The following PARD6B variants were observed in gnomAD, a reference collection of about 807,000 sequenced individuals.
PARD6B encodes the protein par-6 family cell polarity regulator beta, also known as partitioning defective 6 homolog beta.
A neutral mutation model predicts 10.5 loss-of-function variants in PARD6B; 4 were observed. The observed-to-expected ratio is 0.38, with a 90% CI of 0.19 to 0.87. The LOEUF is 0.87. Among genes scored for constraint, PARD6B ranks in the 40% least tolerant of loss-of-function variants. PARD6B has a pLI of 0.41. For synonymous variants in PARD6B, 169 were observed against 170.4 expected (o/e 0.99, Z 0.07); for missense variants, 396 against 470.6 (o/e 0.84, Z 1.47).
At chr20:50,739,406 A>C (rs953930084) in intron 2 of PARD6B, among the ~76,000 whole-genome samples, 12 of 152,230 alleles carry the variant, frequency 7.9e-5, no homozygotes, top group Admixed American at 6.5e-4. Context: ...GTACCACTGC[A>C]CTCCAGCCTG....
At position 50,731,803 on chromosome 20, in the gene PARD6B, G is replaced by A; in HGVS notation, c.17G>A (p.Arg6Gln). 3 of 1,463,200 alleles carry A rather than the reference G, an allele frequency of 2.1e-6. No homozygotes were observed. The highest frequency in any genetic ancestry group is 2.7e-6 in the Non-Finnish European group (3 of 1,113,240). The allele number at this position is 1,463,200 out of a possible 1,614,324, so 90.6% of individuals were successfully genotyped here. MNRSH[R>Q]HGAGSGCLGT... ...GCGTTCAGCATGAACCGCAGCCACC[G>A]GCACGGGGCGGGCAGCGGCTGCCTG... Residue 6 changes from arginine to glutamine, a missense_variant, in exon 1 of 3, where the codon CGG (arginine) becomes CAG (glutamine). Physicochemically the swap from Arg to Gln is conservative, Grantham distance 43. Transcript: ENST00000371610.
rs768288776 is a variant in PARD6B at position 50,749,638 on chromosome 20, T to C, written c.290-21T>C. 3 of 1,527,446 alleles carry C rather than the reference T, an allele frequency of 2.0e-6. No individual in the cohort carries two copies. In the Admixed American group the frequency reaches 6.6e-5, roughly 34 times the overall value. The allele number at this position is 1,527,446 out of a possible 1,614,324, so 94.6% of individuals were successfully genotyped here. On this transcript the variant is annotated intron_variant, in intron 2 of 2. Coordinates refer to ENST00000371610, the MANE Select transcript of PARD6B (RefSeq NM_032521.3). ...TATTTTTACAGCATTTCTATAATTA[T>C]TTTGTTTTATTTTTAAACAGAAGAA...
chr20:50,737,795 T>G, intron 1 of PARD6B, 62 bp from the exon 2 acceptor site: 1 of 1,194,776 alleles, frequency 8.4e-7, no homozygotes. Context: ...GGCATGCATT[T>G]TCAAATTGGG....
At position 50,752,940 on chromosome 20, in the gene PARD6B, T is replaced by C; in HGVS notation, c.*2452T>C. On this transcript the variant is annotated 3_prime_UTR_variant, in exon 3 of 3. Transcript: ENST00000371610. ...TTTTAATGGCATTCCGGCTTTAACA[T>C]TCTGTGAGTCTTACAAATTTGACTC... The C allele has an allele frequency of 1.0e-6, 1 of 983,716 alleles. No individual in the cohort carries two copies. Among genetic ancestry groups the C allele is most frequent in the African/African-American group, 1.7e-5 (1 of 57,284 alleles). 60.9% of individuals were successfully genotyped at this position (983,716 alleles called of 1,614,324 possible). A position where few individuals can be genotyped will look rare whatever the true frequency, so the allele number is the denominator to read the frequency against.
intron 2 of PARD6B, among the ~76,000 whole-genome samples, chr20:50,743,854 A>G (rs1175324462): frequency 6.7e-6 from 1 of 148,772 alleles, no homozygotes; most frequent in Non-Finnish European, 1.5e-5. Context: ...GCGCCACTGC[A>G]CTCCAGCCTG....
chr20:50,752,489 C>CTAAGA lies in PARD6B; in HGVS notation c.*2002_*2006dup. 1.0e-6 allele frequency: 1 copy of CTAAGA among 985,550 alleles called. No homozygotes were observed. Among genetic ancestry groups the CTAAGA allele is most frequent in the Non-Finnish European group, 1.2e-6 (1 of 829,868 alleles). 61.1% of individuals were successfully genotyped at this position (985,550 alleles called of 1,614,324 possible). A position where few individuals can be genotyped will look rare whatever the true frequency, so the allele number is the denominator to read the frequency against. ...TTCCAATGCATCCACTTAGAACAAG[C>CTAAGA]TAAGAGTAAGGCTGCTAACTTTAAT... is the stretch of plus-strand genomic sequence containing the variant. On this transcript the variant is annotated 3_prime_UTR_variant, in exon 3 of 3. Transcript: ENST00000371610.
At chr20:50,739,199 C>A (rs2087516101) in intron 2 of PARD6B, among the ~76,000 whole-genome samples, 1 of 151,968 alleles carries the variant, frequency 6.6e-6, no homozygotes, top group Non-Finnish European at 1.5e-5. Context: ...GTAATCCCAG[C>A]ACTTTGGGAG....
chr20:50,742,968 C>G (rs990488408), intron 2 of PARD6B, among the ~76,000 whole-genome samples: 3 of 152,122 alleles, frequency 2.0e-5, no homozygotes, highest in African/African-American at 7.2e-5. Flanking sequence ...GATCCCAATC[C>G]CCCATTCCCT....
intron 2 of PARD6B, among the ~76,000 whole-genome samples, chr20:50,742,039 C>T (rs1399092013): frequency 1.3e-5 from 2 of 152,034 alleles, no homozygotes; most frequent in Non-Finnish European, 2.9e-5. Context: ...GCAGAAGTTA[C>T]ACTTAATATG....
In PARD6B at chr20:50,753,192, A is replaced by T; in HGVS notation, c.*2704A>T. On this transcript the variant is annotated 3_prime_UTR_variant, in exon 3 of 3. Coordinates refer to ENST00000371610, the MANE Select transcript of PARD6B (RefSeq NM_032521.3). Reference sequence around the variant, plus strand: ...GATTTATCTTGTACGCATTCATGGAAATGGAAATCAAAGCTGCTATTGCTT... The same window carrying T: ...GATTTATCTTGTACGCATTCATGGATATGGAAATCAAAGCTGCTATTGCTT... 12 of 985,388 alleles carry T rather than the reference A, an allele frequency of 1.2e-5. No individual in the cohort carries two copies. The highest frequency in any genetic ancestry group is 1.4e-5 in the Non-Finnish European group (12 of 829,532). 61.0% of individuals were successfully genotyped at this position (985,388 alleles called of 1,614,324 possible).
In PARD6B at chr20:50,749,823, C is replaced by G; in HGVS notation, c.454C>G (p.Pro152Ala). ...VSSIIDVDIL[P>A]ETHRRVRLYK... is the part of the protein sequence containing the mutation. The stretch of plus-strand genomic sequence containing the variant: ...TTCTATTATAGACGTGGATATTCTC[C>G]CAGAAACGCATCGTAGGGTACGTCT... The change falls in exon 3 of 3, where the codon CCA becomes GCA. Residue 152 changes from proline to alanine, a missense_variant. Coordinates refer to ENST00000371610, the MANE Select transcript of PARD6B (RefSeq NM_032521.3). 6.2e-7 allele frequency: 1 copy of G among 1,614,096 alleles called. No homozygotes were observed. Among genetic ancestry groups the G allele is most frequent in the Non-Finnish European group, 8.5e-7 (1 of 1,180,030 alleles).
At chr20:50,733,828 A>G (rs186130035) in intron 1 of PARD6B, among the ~76,000 whole-genome samples, 7 of 152,366 alleles carry the variant, frequency 4.6e-5, no homozygotes, top group Admixed American at 4.6e-4. Context: ...TTCCACAGAA[A>G]AAAATGAGTA....
intron 1 of PARD6B, 37 bp downstream of exon 1, chr20:50,731,889 G>C: frequency 7.2e-7 from 1 of 1,380,562 alleles, no homozygotes; most frequent in East Asian, 3.1e-5. Context: ...CGGCGGGCCT[G>C]GGGGGCCGGG....
chr20:50,741,987 C>T (rs1196785506), intron 2 of PARD6B, among the ~76,000 whole-genome samples: 3 of 152,180 alleles, frequency 2.0e-5, no homozygotes, highest in African/African-American at 7.2e-5. Context: ...GATTACAGCA[C>T]ATTTTCTGTT....
chr20:50,731,902 C>T, intron 1 of PARD6B, 50 bp downstream of exon 1: 1 of 1,345,594 alleles, frequency 7.4e-7, no homozygotes, highest in Non-Finnish European at 9.5e-7. Context: ...GGGCCGGGGC[C>T]TGGGAGAGGC....
rs2087610355 is a variant in PARD6B, at chr20:50,751,552, T to C, written c.*1064T>C. Reference sequence around the variant, plus strand: ...TAGTAGAGACGGGGTTTCGCAGTGTTAGCCAGGAAGGTCTCAATCTCCTGA... The same window carrying C: ...TAGTAGAGACGGGGTTTCGCAGTGTCAGCCAGGAAGGTCTCAATCTCCTGA... On this transcript the variant is annotated 3_prime_UTR_variant, in exon 3 of 3. Transcript: ENST00000371610. 3.3e-6 allele frequency: 3 copies of C among 898,700 alleles called. No individual in the cohort carries two copies. The highest frequency in any genetic ancestry group is 4.0e-6 in the Non-Finnish European group (3 of 751,622). The allele number at this position is 898,700 out of a possible 1,614,324, so 55.7% of individuals were successfully genotyped here.
rs1317624913 is a variant in PARD6B at position 50,752,957 on chromosome 20, A to AT, written c.*2472dup. The AT allele has an allele frequency of 2.0e-6, 2 of 984,014 alleles. No individual in the cohort carries two copies. The highest frequency in any genetic ancestry group is 3.5e-5 in the African/African-American group (2 of 57,168). 61.0% of individuals were successfully genotyped at this position (984,014 alleles called of 1,614,324 possible). A position where few individuals can be genotyped will look rare whatever the true frequency, so the allele number is the denominator to read the frequency against. ...CTTTAACATTCTGTGAGTCTTACAA[A>AT]TTTGACTCTTGAATGGCAAAATAAT... On this transcript the variant is annotated 3_prime_UTR_variant, in exon 3 of 3. Transcript: ENST00000371610.
chr20:50,746,924 G>GT (rs2087570415), intron 2 of PARD6B, among the ~76,000 whole-genome samples: 1 of 151,922 alleles, frequency 6.6e-6, no homozygotes, highest in African/African-American at 2.4e-5. Flanking sequence ...TTCTTGATAG[G>GT]TTTTTTTGCC....
rs1433097795 is a variant in PARD6B, at chr20:50,751,777, G to C, written c.*1289G>C. The C allele has an allele frequency of 1.0e-6, 1 of 969,968 alleles. No individual in the cohort carries two copies. Among genetic ancestry groups the C allele is most frequent in the Non-Finnish European group, 1.2e-6 (1 of 820,068 alleles). The allele number at this position is 969,968 out of a possible 1,614,324, so 60.1% of individuals were successfully genotyped here. ...TCTGTCACCCAGGCTGGAGTGCAGT[G>C]GTGCAATCTCAGCTCCCGGGTTCAA... is the stretch of plus-strand genomic sequence containing the variant. On this transcript the variant is annotated 3_prime_UTR_variant, in exon 3 of 3. Coordinates refer to ENST00000371610, the MANE Select transcript of PARD6B (RefSeq NM_032521.3).
Sources: gnomAD v4.1 joint callset for allele counts (sites outside exome capture counted in the v4.1 genomes callset) on GRCh38, gnomAD v4.1.1 for gene constraint, MANE v1.5 for transcripts, NCBI Gene and HGNC (gene_info 2026-07-23, HGNC 2026-07-21) for gene names.